Variants in CCNL2 observed in about 807,000 individuals in gnomAD.
CCNL2 encodes the protein cyclin L2.
Under a neutral mutation model 59.1 loss-of-function variants are expected in CCNL2, and 28 were observed. That is an observed-to-expected ratio of 0.47 (90% CI 0.35 to 0.65). CCNL2 has a LOEUF of 0.65. Among genes scored for constraint, CCNL2 ranks in the 30% least tolerant of loss-of-function variants. The pLI, the probability that CCNL2 is intolerant of heterozygous loss-of-function variation, is 0.00. For synonymous variants in CCNL2, 342 were observed against 288.6 expected, an observed-to-expected ratio of 1.19 and a Z score of -1.88; for missense variants, 714 against 717.4, an observed-to-expected ratio of 1.00 and a Z score of 0.05.
chr1:1,387,480 G>A lies in CCNL2; in HGVS notation c.1314C>T (p.Tyr438=). The part of the protein sequence containing the change: ...PPRQAPRSAP[Y]KGSEIRGSRK... ...GGGAGCCCCGAATCTCAGAGCCTTT[G>A]TAGGGAGCGCTGCGGGGGGCCTGTC... is the stretch of plus-strand genomic sequence containing the variant. Residue 438 remains tyrosine (Y), a synonymous_variant, in exon 11 of 11, where the codon TAC becomes TAT. Coordinates refer to ENST00000400809, the MANE Select transcript of CCNL2 (RefSeq NM_030937.6). 6.2e-7 allele frequency: 1 copy of A among 1,609,910 alleles called. No homozygotes were observed. Among genetic ancestry groups the A allele is most frequent in the Non-Finnish European group, 8.5e-7 (1 of 1,178,264 alleles).
intron 8 of CCNL2, 96 bp downstream of exon 8, chr1:1,390,128 AAAAAAT>A: frequency 8.2e-7 from 1 of 1,219,844 alleles, no homozygotes; most frequent in African/African-American, 1.5e-5. Context: ...AAAAAAAAAA[AAAAAAT>A]GTCTGGAAGG....
intron 5 of CCNL2, 182 bp downstream of exon 5, chr1:1,393,214 G>T: frequency 1.6e-6 from 1 of 614,718 alleles, no homozygotes. Context: ...GCCACCTACC[G>T]TGACTGCCAG....
chr1:1,398,544 C>T, intron 2 of CCNL2, 53 bp downstream of exon 2: 2 of 1,592,206 alleles, frequency 1.3e-6, no homozygotes, highest in Non-Finnish European at 1.7e-6. Flanking sequence ...AGTAACAAAC[C>T]GTTTTACCCT....
chr1:1,397,986 G>C (rs188069302), intron 3 of CCNL2, among the ~76,000 whole-genome samples: 1 of 152,234 alleles, frequency 6.6e-6, no homozygotes, highest in East Asian at 1.9e-4. Flanking sequence ...CATGGGTAAA[G>C]CAGGAAGCCA....
chr1:1,397,698 C>A (rs968989359), intron 3 of CCNL2, among the ~76,000 whole-genome samples: 1 of 152,078 alleles, frequency 6.6e-6, no homozygotes, highest in Non-Finnish European at 1.5e-5. Flanking sequence ...CCCATCTTTA[C>A]CAAATAAAAA....
chr1:1,393,982 C>G (rs912830300), intron 4 of CCNL2, among the ~76,000 whole-genome samples: 7 of 152,014 alleles, frequency 4.6e-5, no homozygotes, highest in Admixed American at 3.9e-4. Flanking sequence ...CAAAATTAGT[C>G]AGGCATGGTG....
chr1:1,386,926 C>T lies in CCNL2; in HGVS notation c.*305G>A, dbSNP rs111691971. On this transcript the variant is annotated 3_prime_UTR_variant, in exon 11 of 11. Coordinates refer to ENST00000400809, the MANE Select transcript of CCNL2 (RefSeq NM_030937.6). ...ACCAGGCCATGCCAGGCCACGCCAA[C>T]AAGGGCGTGTGCATTCACTTTTTCA... 10 of 337,240 alleles carry T rather than the reference C, an allele frequency of 3.0e-5. No homozygotes were observed. The highest frequency in any genetic ancestry group is 1.9e-4 in the African/African-American group (9 of 47,616). 20.9% of individuals were successfully genotyped at this position (337,240 alleles called of 1,614,324 possible).
At chr1:1,398,750 G>A in intron 1 of CCNL2, 79 bp from the exon 2 acceptor site, 1 of 1,347,414 alleles carries the variant, frequency 7.4e-7, no homozygotes, top group South Asian at 1.2e-5. Context: ...AGTAACGTGG[G>A]ACTCCCCACG....
At position 1,399,089 on chromosome 1, in the gene CCNL2, G is replaced by A; in HGVS notation, c.218C>T (p.Thr73Ile). The A allele has an allele frequency of 8.7e-6, 14 of 1,611,730 alleles. No individual in the cohort carries two copies. Among genetic ancestry groups the A allele is most frequent in the Non-Finnish European group, 1.1e-5 (13 of 1,179,408 alleles). The change falls in exon 1 of 11, where the codon ACA becomes ATA. Residue 73 changes from threonine (T) to isoleucine (I), a missense_variant. Transcript: ENST00000400809. ...PSMSSGLDTD[T>I]ETDLRVVGCE... ...GCCCACCACGCGGAGGTCGGTCTCT[G>A]TGTCGGTGTCGAGGCCGCTCGACAT... is the stretch of plus-strand genomic sequence containing the variant.
chr1:1,390,533 G>A lies in CCNL2; in HGVS notation c.790C>T (p.Leu264Phe). The change falls in exon 7 of 11, where the codon CTT (leucine) becomes TTT (phenylalanine). Residue 264 changes from leucine to phenylalanine, a missense_variant. This residue lies in a region of CCNL2 where 403 missense variants were observed against 377.7 expected (regional missense o/e 1.07). Transcript: ENST00000400809. ...IPLPNRPHWF[L>F]LFGATEEEIQ... Reference sequence around the variant, plus strand: ...TCTTCTTCAGTTGCTCCAAACAAAAGAAACCAATGGGGACGATTGGGCAAA... The same window carrying A: ...TCTTCTTCAGTTGCTCCAAACAAAAAAAACCAATGGGGACGATTGGGCAAA... The A allele has an allele frequency of 6.2e-7, 1 of 1,613,812 alleles. No homozygotes were observed. Among genetic ancestry groups the A allele is most frequent in the Non-Finnish European group, 8.5e-7 (1 of 1,179,910 alleles).
rs1177107306 is a variant in CCNL2, at chr1:1,395,261, A to G, written c.594+133T>C. On this transcript the variant is annotated intron_variant, in intron 4 of 10. Transcript: ENST00000400809. ...TCAGGAACTATTCTTGAGATTATAA[A>G]TAGAAACTGGAAAGCCAAGTCAGGG... 7 of 874,650 alleles carry G rather than the reference A, an allele frequency of 8.0e-6. No homozygotes were observed. In the South Asian group the frequency reaches 9.0e-5, roughly 11 times the overall value. 54.2% of individuals were successfully genotyped at this position (874,650 alleles called of 1,614,324 possible).
intron 2 of CCNL2, 107 bp from the exon 3 acceptor site, chr1:1,398,449 G>A: frequency 6.4e-7 from 1 of 1,572,048 alleles, no homozygotes; most frequent in African/African-American, 1.4e-5. Flanking sequence ...GTGCACCCAG[G>A]GGAAAAAAAA....
intron 3 of CCNL2, among the ~76,000 whole-genome samples, chr1:1,395,849 T>C (rs1451437073): frequency 6.6e-6 from 1 of 152,122 alleles, no homozygotes; most frequent in Non-Finnish European, 1.5e-5. Flanking sequence ...ATATTCACAG[T>C]TCAATAACCA....
chr1:1,398,319 G>A lies in CCNL2; in HGVS notation c.387C>T (p.His129=), dbSNP rs1645162942. The A allele has an allele frequency of 1.2e-6, 2 of 1,614,170 alleles. No individual in the cohort carries two copies. The highest frequency in any genetic ancestry group is 1.3e-5 in the African/African-American group (1 of 75,048). ...GGGCCTCTTCTATCTTGGAAGCCAG[G>A]TGGACACAGGCCATTGACACATGCT... ...SMEHVSMACV[H]LASKIEEAPR... Residue 129 remains histidine (H), a synonymous_variant, in exon 3 of 11, where the codon CAC becomes CAT. Transcript: ENST00000400809.
At chr1:1,394,387 A>T (rs1162532542) in intron 4 of CCNL2, among the ~76,000 whole-genome samples, 1 of 152,188 alleles carries the variant, frequency 6.6e-6, no homozygotes, top group Admixed American at 6.5e-5. Context: ...ATTTCAGACT[A>T]AAGGGGCCAG....
rs1358509727 is a variant in CCNL2 at position 1,386,054 on chromosome 1, GCC to G, written c.*1175_*1176del. Reference sequence around the variant, plus strand: ...TCCAAACGGTACCACCAGGAGTGGGGCCCCCTAGTCCCCAAAACCAAAACTGT... The same window carrying G: ...TCCAAACGGTACCACCAGGAGTGGGGCCCTAGTCCCCAAAACCAAAACTGT... On this transcript the variant is annotated 3_prime_UTR_variant, in exon 11 of 11. Transcript: ENST00000400809. The G allele has an allele frequency of 6.6e-6, 1 of 152,236 alleles. No individual in the cohort carries two copies. The highest frequency in any genetic ancestry group is 6.5e-5 in the Admixed American group (1 of 15,280). The allele number at this position is 152,236 out of a possible 1,614,324, so 9.4% of individuals were successfully genotyped here.
At position 1,398,877 on chromosome 1, in the gene CCNL2, G is replaced by A. The variant is rs1464166575; in HGVS notation, c.288+142C>T. 21 of 1,415,018 alleles carry A rather than the reference G, an allele frequency of 1.5e-5. No homozygotes were observed. In the South Asian group the frequency reaches 2.4e-4, roughly 16 times the overall value. The allele number at this position is 1,415,018 out of a possible 1,614,324, so 87.7% of individuals were successfully genotyped here. ...CCGGGTCAGGGGCATGGGCTGGCTAGGGAATGGCGCCGAGGCTGGGGTCGG... is the reference window on the plus strand; with the variant it reads ...CCGGGTCAGGGGCATGGGCTGGCTAAGGAATGGCGCCGAGGCTGGGGTCGG... On this transcript the variant is annotated intron_variant, in intron 1 of 10. Coordinates refer to ENST00000400809, the MANE Select transcript of CCNL2 (RefSeq NM_030937.6).
At chr1:1,391,473 G>A in intron 5 of CCNL2, 5 of 1,271,006 alleles carry the variant, frequency 3.9e-6, no homozygotes, top group African/African-American at 1.6e-5. Flanking sequence ...GGTGCAAGTT[G>A]GACGCGTGGG....
intron 5 of CCNL2, chr1:1,391,765 T>C: frequency 2.9e-6 from 1 of 346,038 alleles, no homozygotes; most frequent in South Asian, 2.4e-5. Context: ...ATTTTGAGCA[T>C]TTCCTTTAGA....
Sources: gnomAD v4.1 joint callset for allele counts (sites outside exome capture counted in the v4.1 genomes callset) on GRCh38, gnomAD v4.1.1 for gene constraint, gnomAD v4.1.1 regional missense constraint, MANE v1.5 for transcripts, NCBI Gene and HGNC (gene_info 2026-07-23, HGNC 2026-07-21) for gene names.